The following BBX variants were observed in gnomAD, a reference collection of about 807,000 sequenced individuals.
BBX encodes the protein BBX high mobility group box domain containing.
BBX carries 30 observed loss-of-function variants against 100.2 expected under a neutral mutation model. The ratio of observed to expected loss-of-function variants is 0.30; its 90% CI spans 0.22 to 0.41. The LOEUF is 0.41. BBX is among the 10% of genes least tolerant of loss of function. The pLI, the probability that BBX is intolerant of heterozygous loss-of-function variation, is 1.00. For missense variants in BBX, 1,023 were observed against 1,129.8 expected, an observed-to-expected ratio of 0.91 and a Z score of 1.35; for synonymous variants, 376 against 388.1, an observed-to-expected ratio of 0.97 and a Z score of 0.37.
intron 12 of BBX, 95 bp from the exon 13 acceptor site, chr3:107,778,274 CCT>C: frequency 6.9e-7 from 1 of 1,440,898 alleles, no homozygotes; most frequent in Non-Finnish European, 9.6e-7. Context: ...TCCCAGAGAC[CCT>C]GTTTTCAAAT....
At chr3:107,685,693 A>C (rs2059808587) in intron 3 of BBX, among the ~76,000 whole-genome samples, 1 of 152,242 alleles carries the variant, frequency 6.6e-6, no homozygotes, top group South Asian at 2.1e-4. Context: ...CTAATACTCT[A>C]TTTGGGCAGA....
At chr3:107,667,126 C>T (rs976890055) in intron 3 of BBX, among the ~76,000 whole-genome samples, 1 of 152,118 alleles carries the variant, frequency 6.6e-6, no homozygotes, top group East Asian at 1.9e-4. Context: ...ACTTTTTGTT[C>T]CTCAGGAATT....
chr3:107,654,434 A>T (rs1418424674), intron 3 of BBX, among the ~76,000 whole-genome samples: 2 of 149,502 alleles, frequency 1.3e-5, no homozygotes, highest in Non-Finnish European at 3.0e-5. Context: ...AAAATTATAG[A>T]TTTTTTTTTT....
At chr3:107,761,945 C>A (rs947788764) in intron 10 of BBX, among the ~76,000 whole-genome samples, 2 of 152,246 alleles carry the variant, frequency 1.3e-5, no homozygotes, top group East Asian at 1.9e-4. Context: ...CCTATGGTAA[C>A]CCCCTTAAAG....
chr3:107,559,913 T>G (rs2107468593), intron 2 of BBX, among the ~76,000 whole-genome samples: 1 of 152,166 alleles, frequency 6.6e-6, no homozygotes, highest in African/African-American at 2.4e-5. Context: ...CTGCCTTATG[T>G]TTGTATTTTT....
rs556644854 is a variant in BBX, at chr3:107,592,876, G to C, written c.-83-52960G>C. On this transcript the variant is annotated intron_variant, in intron 2 of 17. Transcript: ENST00000325805. ...TCTTATGGAAGAGTGGTTTTTTTAA[G>C]ATCAAGGTCAAATGCTCGTTTAGCA... Among the ~76,000 whole-genome samples the C allele has an allele frequency of 3.9e-5, 6 of 152,248 alleles. No homozygotes were observed. The South Asian group carries it at 1.2e-3, about 32-fold the overall frequency.
At chr3:107,743,918 G>GTTTTTTTTTTTTTTTTTTTTTTTTTA (rs34762783) in intron 7 of BBX, among the ~76,000 whole-genome samples, 2 of 56,622 alleles carry the variant, frequency 3.5e-5, no homozygotes, top group African/African-American at 7.0e-5. Flanking sequence ...TGTTTTAGTG[G>GTTTTTTTTTTTTTTTTTTTTTTTTTA]TTTTTTTTTT....
At chr3:107,727,497 G>T (rs185542407) in intron 5 of BBX, among the ~76,000 whole-genome samples, 1 of 152,162 alleles carries the variant, frequency 6.6e-6, no homozygotes, top group African/African-American at 2.4e-5. Context: ...AAATGGGACT[G>T]TATTCTACAG....
chr3:107,558,930 A>G (rs1022043734), intron 2 of BBX, among the ~76,000 whole-genome samples: 13 of 152,222 alleles, frequency 8.5e-5, no homozygotes, highest in South Asian at 4.1e-4. Flanking sequence ...AGAAATTATC[A>G]TGGAAGAGAT....
chr3:107,596,966 A>G (rs1576440281), intron 2 of BBX, among the ~76,000 whole-genome samples: 1 of 152,320 alleles, frequency 6.6e-6, no homozygotes, highest in Non-Finnish European at 1.5e-5. Context: ...GTAAACCAGT[A>G]CAGTGGCCTT....
At chr3:107,666,863 C>T (rs745789471) in intron 3 of BBX, among the ~76,000 whole-genome samples, 4 of 152,202 alleles carry the variant, frequency 2.6e-5, no homozygotes, top group Non-Finnish European at 5.9e-5. Context: ...AGCCACTGCA[C>T]CCGGCCTAAA....
chr3:107,770,336 A>G (rs2066801630), intron 10 of BBX, among the ~76,000 whole-genome samples: 1 of 152,220 alleles, frequency 6.6e-6, no homozygotes, highest in Non-Finnish European at 1.5e-5. Flanking sequence ...ATTAAAAGCC[A>G]CCAGAGTGAC....
intron 10 of BBX, among the ~76,000 whole-genome samples, chr3:107,759,973 G>A (rs1002229244): frequency 8.5e-5 from 13 of 152,102 alleles, no homozygotes; most frequent in African/African-American, 2.9e-4. Context: ...ATAATGACTG[G>A]CATTTATTAT....
At chr3:107,699,109 T>G (rs971183216) in intron 3 of BBX, among the ~76,000 whole-genome samples, 3 of 151,824 alleles carry the variant, frequency 2.0e-5, no homozygotes, top group African/African-American at 7.3e-5. Context: ...GCCCCTGTTC[T>G]CTGTCACAGT....
chr3:107,792,953 G>C (rs917548958), intron 15 of BBX, among the ~76,000 whole-genome samples: 1 of 152,056 alleles, frequency 6.6e-6, no homozygotes. Context: ...GCACTTACCT[G>C]GGAGTTAGGA....
At chr3:107,558,692 G>C (rs1319339296) in intron 2 of BBX, among the ~76,000 whole-genome samples, 1 of 152,102 alleles carries the variant, frequency 6.6e-6, no homozygotes, top group African/African-American at 2.4e-5. Flanking sequence ...GGTAAAGGGG[G>C]TCTAGATGGG....
At chr3:107,700,909 ATGTGTCTT>A (rs2060997099) in intron 3 of BBX, among the ~76,000 whole-genome samples, 1 of 151,754 alleles carries the variant, frequency 6.6e-6, no homozygotes, top group African/African-American at 2.4e-5. Flanking sequence ...ATACGTGTGC[ATGTGTCTT>A]TATAGCAGCA....
intron 2 of BBX, chr3:107,599,729 A>T (rs937561546): frequency 1.1e-4 from 17 of 152,214 alleles, no homozygotes; most frequent in Admixed American, 6.5e-5. Flanking sequence ...TAGTACAGTT[A>T]ACCAGCTTAA....
intron 2 of BBX, among the ~76,000 whole-genome samples, chr3:107,584,302 A>G (rs1475260485): frequency 1.4e-5 from 2 of 139,500 alleles, no homozygotes; most frequent in South Asian, 2.1e-4. Context: ...ACTTAGTTCA[A>G]CTAACTTTGC....
Sources: gnomAD v4.1 joint callset for allele counts (sites outside exome capture counted in the v4.1 genomes callset) on GRCh38, gnomAD v4.1.1 for gene constraint, MANE v1.5 for transcripts, NCBI Gene and HGNC (gene_info 2026-07-23, HGNC 2026-07-21) for gene names.